CCDC91: variants seen among roughly 807,000 people sequenced by gnomAD.
CCDC91 encodes coiled-coil domain containing 91.
Under a neutral mutation model 63.2 loss-of-function variants are expected in CCDC91, and 48 were observed. The observed-to-expected ratio is 0.76, with a 90% confidence interval of 0.60 to 0.97. The LOEUF is 0.97. Ranked by LOEUF, CCDC91 falls within the 50% of genes least tolerant of loss-of-function variation. The pLI is 0.00. For missense variants in CCDC91, 500 were observed against 494.6 expected, an observed-to-expected ratio of 1.01 and a Z score of -0.10; for synonymous variants, 167 against 165.8, an observed-to-expected ratio of 1.01 and a Z score of -0.06.
intron 12 of CCDC91, among the ~76,000 whole-genome samples, chr12:28,510,914 C>T (rs1235467683): frequency 2.6e-5 from 4 of 151,874 alleles, no homozygotes; most frequent in Non-Finnish European, 5.9e-5. Context: ...CACCCATCAC[C>T]TGCCACATTT....
chr12:28,194,151 C>T (rs1233568704), intron 1 of CCDC91, among the ~76,000 whole-genome samples: 1 of 151,886 alleles, frequency 6.6e-6, no homozygotes, highest in Non-Finnish European at 1.5e-5. Flanking sequence ...CTTATGTTTT[C>T]TTCCAGAACT....
chr12:28,284,129 T>TA (rs1447099372), intron 3 of CCDC91, among the ~76,000 whole-genome samples: 1 of 152,118 alleles, frequency 6.6e-6, no homozygotes, highest in African/African-American at 2.4e-5. Flanking sequence ...TCTTTTTTTT[T>TA]ATATTGAGTA....
At chr12:28,281,603 A>T (rs1387046938) in intron 3 of CCDC91, among the ~76,000 whole-genome samples, 1 of 152,190 alleles carries the variant, frequency 6.6e-6, no homozygotes, top group African/African-American at 2.4e-5. Context: ...AAAGGCTATC[A>T]CAGTATTCTT....
intron 12 of CCDC91, among the ~76,000 whole-genome samples, chr12:28,540,784 G>C (rs1593004638): frequency 6.6e-6 from 1 of 152,088 alleles, no homozygotes; most frequent in Admixed American, 6.6e-5. Flanking sequence ...CTTCTGTCTT[G>C]AGTGCTCTCT....
intron 8 of CCDC91, among the ~76,000 whole-genome samples, chr12:28,446,766 C>T (rs1445017930): frequency 1.3e-5 from 2 of 151,954 alleles, no homozygotes; most frequent in Non-Finnish European, 2.9e-5. Flanking sequence ...TGTGCGGCCT[C>T]AAAAAACTAT....
intron 12 of CCDC91, among the ~76,000 whole-genome samples, chr12:28,502,122 G>C (rs1011890878): frequency 2.9e-4 from 44 of 151,496 alleles, no homozygotes; most frequent in Non-Finnish European, 6.2e-4. Context: ...TCTTGCTAGC[G>C]GTCTATCAAT....
chr12:28,509,993 T>C (rs1428817468), intron 12 of CCDC91, among the ~76,000 whole-genome samples: 1 of 151,858 alleles, frequency 6.6e-6, no homozygotes, highest in Non-Finnish European at 1.5e-5. Flanking sequence ...TGAACTCTTC[T>C]TTCTTGAGAG....
At chr12:28,388,434 A>G (rs1945737327) in intron 7 of CCDC91, among the ~76,000 whole-genome samples, 1 of 152,190 alleles carries the variant, frequency 6.6e-6, no homozygotes, top group Non-Finnish European at 1.5e-5. Context: ...AAGTTAATGT[A>G]CACAGATCAG....
At chr12:28,405,238 A>G (rs1946862146) in intron 8 of CCDC91, among the ~76,000 whole-genome samples, 2 of 152,114 alleles carry the variant, frequency 1.3e-5, no homozygotes, top group Non-Finnish European at 1.5e-5. Flanking sequence ...CTAGTAACCC[A>G]TATTCATTTT....
intron 12 of CCDC91, among the ~76,000 whole-genome samples, chr12:28,503,536 A>C (rs1461637176): frequency 2.0e-5 from 3 of 152,168 alleles, no homozygotes; most frequent in East Asian, 3.9e-4. Flanking sequence ...GCGATTCCTC[A>C]GGGATCTAGA....
At chr12:28,259,481 T>C (rs768074670) in intron 3 of CCDC91, 39 bp downstream of exon 3, 24 of 1,351,148 alleles carry the variant, frequency 1.8e-5, no homozygotes, top group East Asian at 1.1e-4. Context: ...TTTTTTTTTT[T>C]TCCCATGTAA....
chr12:28,203,272 G>A (rs1218182450), intron 1 of CCDC91, among the ~76,000 whole-genome samples: 2 of 152,178 alleles, frequency 1.3e-5, no homozygotes, highest in African/African-American at 2.4e-5. Context: ...AATTTCTAGA[G>A]TTCTGAAAAA....
rs369777643 is a variant in CCDC91 at position 28,384,943 on chromosome 12, TATG to T, written c.655-6358_655-6356del. On this transcript the variant is annotated intron_variant, in intron 7 of 12. Coordinates refer to ENST00000536442, the MANE Select transcript of CCDC91 (RefSeq NM_018318.5). ...CGATTTGTTTGCAGTTTTGAGGGGA[TATG>T]ATAAGACATGCTAACAATTTAATAT... Among the ~76,000 whole-genome samples the T allele has an allele frequency of 4.5e-4, 69 of 152,196 alleles. No individual in the cohort carries two copies. The East Asian group carries it at 0.012, about 27-fold the overall frequency.
intron 8 of CCDC91, among the ~76,000 whole-genome samples, chr12:28,435,002 G>A (rs1172886577): frequency 6.6e-6 from 1 of 151,508 alleles, no homozygotes; most frequent in Non-Finnish European, 1.5e-5. Context: ...TCCAACATTA[G>A]CAATTTGTGC....
At chr12:28,203,631 T>A (rs1055777884) in intron 1 of CCDC91, among the ~76,000 whole-genome samples, 1 of 152,162 alleles carries the variant, frequency 6.6e-6, no homozygotes, top group South Asian at 2.1e-4. Context: ...TTTAGGGAGG[T>A]GTCTGCAGTA....
At chr12:28,424,703 T>C (rs565747271) in intron 8 of CCDC91, among the ~76,000 whole-genome samples, 1 of 152,292 alleles carries the variant, frequency 6.6e-6, no homozygotes, top group East Asian at 1.9e-4. Flanking sequence ...CATTTCTTTC[T>C]TCTGTAATGT....
At chr12:28,524,462 A>T (rs915292748) in intron 12 of CCDC91, among the ~76,000 whole-genome samples, 4 of 152,100 alleles carry the variant, frequency 2.6e-5, no homozygotes, top group Non-Finnish European at 5.9e-5. Context: ...CACTTTAATC[A>T]TGCTGGATTA....
chr12:28,492,661 T>C (rs1952073572), intron 12 of CCDC91, among the ~76,000 whole-genome samples: 1 of 151,568 alleles, frequency 6.6e-6, no homozygotes, highest in Non-Finnish European at 1.5e-5. Context: ...AGCTGTAACA[T>C]GAACAGCTAA....
intron 8 of CCDC91, among the ~76,000 whole-genome samples, chr12:28,391,910 T>G (rs73085913): frequency 0.013 from 1,937 of 152,300 alleles, 13 homozygotes; most frequent in Middle Eastern, 0.017. Context: ...GATTTATAGA[T>G]GTGTCATAGC....
Sources: allele counts gnomAD v4.1 joint callset (sites outside exome capture counted in the v4.1 genomes callset), GRCh38; gene constraint gnomAD v4.1.1; transcripts MANE v1.5; gene names NCBI Gene and HGNC (gene_info 2026-07-23, HGNC 2026-07-21).